Variants in SPAG16 observed in about 807,000 individuals in gnomAD.
SPAG16 encodes sperm associated antigen 16, also known as sperm-associated antigen 16 protein.
Under a neutral mutation model 80.4 loss-of-function variants are expected in SPAG16, and 86 were observed. That is an observed-to-expected ratio of 1.07 (90% confidence interval 0.90 to 1.28). The LOEUF (loss-of-function observed/expected upper bound fraction) is 1.28, where lower values mean the gene tolerates loss of function less well. Among genes scored for constraint, SPAG16 ranks in the 50% most tolerant of loss-of-function variants. The pLI is 0.00. For synonymous variants in SPAG16, 294 were observed against 265.9 expected (o/e 1.11, Z -1.03); for missense variants, 870 against 765.3 (o/e 1.14, Z -1.61).
At chr2:214,285,069 T>C (rs1693253336) in intron 15 of SPAG16, among the ~76,000 whole-genome samples, 1 of 152,236 alleles carries the variant, frequency 6.6e-6, no homozygotes, top group Non-Finnish European at 1.5e-5. Context: ...CCATAATGGC[T>C]GTACCAATTT....
At chr2:213,927,836 A>G (rs2078554994) in intron 11 of SPAG16, among the ~76,000 whole-genome samples, 1 of 152,222 alleles carries the variant, frequency 6.6e-6, no homozygotes, top group Admixed American at 6.5e-5. Context: ...TTGGTCCATA[A>G]TAACATGATA....
intron 15 of SPAG16, among the ~76,000 whole-genome samples, chr2:214,168,323 G>C (rs190318172): frequency 6.6e-6 from 1 of 151,838 alleles, no homozygotes; most frequent in African/African-American, 2.4e-5. Flanking sequence ...TTAAGTTTTC[G>C]CCTCTGTAAA....
intron 9 of SPAG16, among the ~76,000 whole-genome samples, chr2:213,486,718 A>T (rs915047950): frequency 6.6e-6 from 1 of 152,104 alleles, no homozygotes; most frequent in African/African-American, 2.4e-5. Context: ...CAGTAAGATT[A>T]TGTCAAAATC....
At chr2:214,296,741 T>C (rs1694162402) in intron 15 of SPAG16, among the ~76,000 whole-genome samples, 1 of 152,196 alleles carries the variant, frequency 6.6e-6, no homozygotes, top group Admixed American at 6.5e-5. Flanking sequence ...TTTGGATGTA[T>C]GTCCCCTCTA....
At chr2:213,342,306 GTA>G (rs1022397755) in intron 6 of SPAG16, among the ~76,000 whole-genome samples, 106 of 142,434 alleles carry the variant, frequency 7.4e-4, no homozygotes, top group African/African-American at 2.0e-3. Flanking sequence ...TGACATATGT[GTA>G]TATATATGTT....
At chr2:213,644,900 G>A (rs2062764726) in intron 10 of SPAG16, among the ~76,000 whole-genome samples, 1 of 152,182 alleles carries the variant, frequency 6.6e-6, no homozygotes, top group East Asian at 1.9e-4. Flanking sequence ...TCTACACTCA[G>A]CAGGGGGCAA....
chr2:214,198,882 G>A (rs1228829128), intron 15 of SPAG16, among the ~76,000 whole-genome samples: 1 of 151,846 alleles, frequency 6.6e-6, no homozygotes, highest in Admixed American at 6.6e-5. Context: ...TCATATGTTT[G>A]TTGGCCATTT....
At chr2:214,115,200 A>T (rs2053873071) in intron 14 of SPAG16, among the ~76,000 whole-genome samples, 1 of 152,204 alleles carries the variant, frequency 6.6e-6, no homozygotes, top group Non-Finnish European at 1.5e-5. Context: ...CCTGCTAAGC[A>T]ATGTCAGGAG....
At chr2:213,960,851 C>A (rs1354574866) in intron 12 of SPAG16, among the ~76,000 whole-genome samples, 1 of 152,062 alleles carries the variant, frequency 6.6e-6, no homozygotes, top group Admixed American at 6.6e-5. Context: ...TGCAATAATG[C>A]GGGAGGTACA....
intron 15 of SPAG16, among the ~76,000 whole-genome samples, chr2:214,176,739 T>G (rs1314491949): frequency 6.6e-6 from 1 of 151,292 alleles, no homozygotes; most frequent in African/African-American, 2.4e-5. Context: ...CTTTTAAAAT[T>G]TTCCATGTAT....
At chr2:214,100,389 T>C (rs1422162610) in intron 13 of SPAG16, among the ~76,000 whole-genome samples, 2 of 152,118 alleles carry the variant, frequency 1.3e-5, no homozygotes, top group Non-Finnish European at 2.9e-5. Flanking sequence ...ATTTCATTTG[T>C]TTAACTTTTA....
At chr2:213,701,814 G>T (rs933220309) in intron 10 of SPAG16, among the ~76,000 whole-genome samples, 1 of 152,116 alleles carries the variant, frequency 6.6e-6, no homozygotes, top group Admixed American at 6.5e-5. Flanking sequence ...TCTAGCTCAA[G>T]GTTTGTAAAC....
At chr2:214,394,494 TATC>T (rs765512065) in intron 15 of SPAG16, among the ~76,000 whole-genome samples, 3 of 152,212 alleles carry the variant, frequency 2.0e-5, no homozygotes, top group Non-Finnish European at 2.9e-5. Context: ...CTTAGGATAA[TATC>T]ATCCTAAGAG....
intron 9 of SPAG16, among the ~76,000 whole-genome samples, chr2:213,470,761 C>T (rs1042830950): frequency 3.3e-5 from 5 of 152,178 alleles, no homozygotes; most frequent in South Asian, 2.1e-4. Flanking sequence ...GTCCACAGAA[C>T]GGGTCATCCT....
intron 15 of SPAG16, among the ~76,000 whole-genome samples, chr2:214,290,007 A>AT (rs1445276524): frequency 6.6e-6 from 1 of 151,988 alleles, no homozygotes; most frequent in Non-Finnish European, 1.5e-5. Context: ...TTAGTTCTTT[A>AT]TATGTTTGGT....
intron 10 of SPAG16, among the ~76,000 whole-genome samples, chr2:213,746,718 A>G: frequency 6.6e-6 from 1 of 152,174 alleles, no homozygotes; most frequent in South Asian, 2.1e-4. Context: ...GAGGCAGGAG[A>G]ATCACTTGAA....
chr2:213,479,288 A>T (rs1004259604), intron 9 of SPAG16, among the ~76,000 whole-genome samples: 17 of 151,868 alleles, frequency 1.1e-4, no homozygotes, highest in Admixed American at 9.8e-4. Flanking sequence ...GTATAATTTC[A>T]TACATCATGC....
At chr2:213,869,268 T>A (rs370318244) in intron 11 of SPAG16, among the ~76,000 whole-genome samples, 3,185 of 47,966 alleles carry the variant, frequency 0.066, 178 homozygotes, top group African/African-American at 0.14. Context: ...AAAAAAAATA[T>A]ATATATATAT....
chr2:213,636,761 C>G (rs535503368), intron 10 of SPAG16, among the ~76,000 whole-genome samples: 1 of 152,248 alleles, frequency 6.6e-6, no homozygotes, highest in South Asian at 2.1e-4. Context: ...AGCTTGGTCA[C>G]TGTTCGTGTA....
Sources: allele counts gnomAD v4.1 joint callset (sites outside exome capture counted in the v4.1 genomes callset), GRCh38; gene constraint gnomAD v4.1.1; transcripts MANE v1.5; gene names NCBI Gene and HGNC (gene_info 2026-07-23, HGNC 2026-07-21).